PIAS1: variants seen among roughly 807,000 people sequenced by gnomAD.
PIAS1 encodes the protein protein inhibitor of activated STAT 1, also known as E3 SUMO-protein ligase PIAS1.
A neutral mutation model predicts 71.3 loss-of-function variants in PIAS1; 6 were observed. The ratio of observed to expected loss-of-function variants is 0.08; its 90% CI spans 0.05 to 0.17. PIAS1 has a LOEUF of 0.17. Among genes scored for constraint, PIAS1 ranks in the 10% least tolerant of loss-of-function variants. PIAS1 has a pLI of 1.00. For synonymous variants in PIAS1, 303 were observed against 292.9 expected (o/e 1.03, Z -0.35); for missense variants, 555 against 793.6 (o/e 0.70, Z 3.61).
At chr15:68,059,725 A>G (rs2091937386) in intron 1 of PIAS1, among the ~76,000 whole-genome samples, 1 of 151,790 alleles carries the variant, frequency 6.6e-6, no homozygotes, top group Non-Finnish European at 1.5e-5. Flanking sequence ...AAAAAAAAAA[A>G]AAAAAGAAAG....
chr15:68,054,435 G>T lies in PIAS1; in HGVS notation c.24+85G>T. ...CAGGGGGGATGGGTCCGACCCTGGG[G>T]GGCCTCTCGGGCCTGACTCCACCCG... On this transcript the variant is annotated intron_variant, in intron 1 of 13. Transcript: ENST00000249636. This position sits in a 1 kb window ranked among gnomAD's most constrained non-coding sequence, Gnocchi z 4.6. The T allele has an allele frequency of 1.4e-6, 2 of 1,381,256 alleles. No homozygotes were observed. Among genetic ancestry groups the T allele is most frequent in the Non-Finnish European group, 2.0e-6 (2 of 997,156 alleles). 85.6% of individuals were successfully genotyped at this position (1,381,256 alleles called of 1,614,324 possible). A position where few individuals can be genotyped will look rare whatever the true frequency, so the allele number is the denominator to read the frequency against.
At chr15:68,183,801 C>CATCAATTATAG in intron 13 of PIAS1, 134 bp downstream of exon 13, 1 of 537,566 alleles carries the variant, frequency 1.9e-6, no homozygotes, top group Non-Finnish European at 3.5e-6. Flanking sequence ...AAAATCCCTA[C>CATCAATTATAG]ATCAATTATA....
chr15:68,076,243 G>A (rs905603022), intron 1 of PIAS1, among the ~76,000 whole-genome samples: 4 of 152,176 alleles, frequency 2.6e-5, no homozygotes, highest in African/African-American at 7.2e-5. Flanking sequence ...GGGCGCGGTG[G>A]CTCACGAATG....
intron 2 of PIAS1, among the ~76,000 whole-genome samples, chr15:68,133,695 A>AT (rs1313448882): frequency 0.022 from 18 of 820 alleles, 9 homozygotes; most frequent in Admixed American, 0.2. Context: ...TTTATTTTTT[A>AT]TTTTTTTTTT....
intron 6 of PIAS1, among the ~76,000 whole-genome samples, chr15:68,148,951 G>T (rs2092827180): frequency 6.6e-6 from 1 of 152,024 alleles, no homozygotes; most frequent in Non-Finnish European, 1.5e-5. Context: ...GTGATGAATT[G>T]AAAGTCGAGG....
In PIAS1 at chr15:68,086,551, T is replaced by C; in HGVS notation, c.270T>C (p.Ser90=). ...VHSSPMPATL[S]PSTIPQLTYD... is the part of the protein sequence containing the mutation. ...CAAGTCCTATGCCAGCAACTTTGTCTCCATCTACCATTCCACAACTCACTT... is the reference window on the plus strand; with the variant it reads ...CAAGTCCTATGCCAGCAACTTTGTCCCCATCTACCATTCCACAACTCACTT... Residue 90 remains serine (S), a synonymous_variant, in exon 2 of 14, where the codon TCT becomes TCC. Transcript: ENST00000249636. The surrounding 1 kb of genome is among the most constrained non-coding windows in gnomAD (Gnocchi z 7.2). The C allele has an allele frequency of 6.2e-7, 1 of 1,613,906 alleles. No individual in the cohort carries two copies. Among genetic ancestry groups the C allele is most frequent in the Non-Finnish European group, 8.5e-7 (1 of 1,179,848 alleles).
chr15:68,164,238 T>A (rs879375633), intron 7 of PIAS1, among the ~76,000 whole-genome samples: 11 of 152,164 alleles, frequency 7.2e-5, no homozygotes, highest in Non-Finnish European at 1.6e-4. Flanking sequence ...TAGGACTCTT[T>A]TCATAATTTG....
rs78091121 is a variant in PIAS1, at chr15:68,174,893, G to A, written c.1170-744G>A. Among the ~76,000 whole-genome samples the A allele has an allele frequency of 6.2e-3, 937 of 152,084 alleles. 3 individuals carry two copies. Among genetic ancestry groups the A allele is most frequent in the East Asian group, 0.032 (167 of 5,184 alleles). On this transcript the variant is annotated intron_variant, in intron 9 of 13. Coordinates refer to ENST00000249636, the MANE Select transcript of PIAS1 (RefSeq NM_016166.3). This position sits in a 1 kb window ranked among gnomAD's most constrained non-coding sequence, Gnocchi z 4.0. ...TTATGTTTAATTTTTCAGAAATGTCGGTGATCACTTACTAGTAAATCAGAA... is the reference window on the plus strand; with the variant it reads ...TTATGTTTAATTTTTCAGAAATGTCAGTGATCACTTACTAGTAAATCAGAA...
At chr15:68,059,634 C>T (rs539563308) in intron 1 of PIAS1, among the ~76,000 whole-genome samples, 16 of 149,220 alleles carry the variant, frequency 1.1e-4, no homozygotes, top group African/African-American at 3.5e-4. Context: ...TCGCTTGAAC[C>T]TGGGAGGCAG....
In PIAS1 at chr15:68,054,367, A is replaced by C. The variant is rs1398739132; in HGVS notation, c.24+17A>C. 1.3e-6 allele frequency: 2 copies of C among 1,555,578 alleles called. No homozygotes were observed. The highest frequency in any genetic ancestry group is 1.7e-6 in the Non-Finnish European group (2 of 1,146,370). On this transcript the variant is annotated intron_variant, in intron 1 of 13. Transcript: ENST00000249636. The surrounding 1 kb of genome is among the most constrained non-coding windows in gnomAD (Gnocchi z 4.6). ...GAACTAAAGGTAAAGCGCAGCTCGA[A>C]TTCACTTCTAATATTCGGCCGCGGA...
chr15:68,096,437 AT>A (rs569315460), intron 2 of PIAS1, among the ~76,000 whole-genome samples: 474 of 142,542 alleles, frequency 3.3e-3, no homozygotes, highest in Admixed American at 3.9e-3. Flanking sequence ...CAACTTTAGG[AT>A]TTTTTTTTTT....
intron 7 of PIAS1, among the ~76,000 whole-genome samples, chr15:68,160,975 G>A (rs1385992302): frequency 6.6e-6 from 1 of 152,050 alleles, no homozygotes; most frequent in East Asian, 1.9e-4. Flanking sequence ...TTTTAAAAAA[G>A]AAACCAACAC....
At chr15:68,142,098 A>T in intron 3 of PIAS1, 68 bp downstream of exon 3, 1 of 1,123,766 alleles carries the variant, frequency 8.9e-7, no homozygotes, top group Non-Finnish European at 1.3e-6. Flanking sequence ...AAATGATTTT[A>T]AAAAACAGTG....
chr15:68,136,999 A>G (rs530042294), intron 2 of PIAS1, among the ~76,000 whole-genome samples: 1 of 152,346 alleles, frequency 6.6e-6, no homozygotes, highest in East Asian at 1.9e-4. Context: ...AAGAGTTACC[A>G]GGATCCATTC....
At chr15:68,155,320 G>A (rs1479047309) in intron 7 of PIAS1, among the ~76,000 whole-genome samples, 1 of 151,938 alleles carries the variant, frequency 6.6e-6, no homozygotes, top group Non-Finnish European at 1.5e-5. Context: ...AGATTTTTGT[G>A]GAAATTGATA....
Position 68,167,191 on chromosome 15 carries a change from T to TTGTG in PIAS1, c.1008+2407_1008+2410dup, listed in dbSNP as rs71725124. Among the ~76,000 whole-genome samples the TTGTG allele has an allele frequency of 4.8e-3, 725 of 149,560 alleles. 4 individuals are homozygous for TTGTG. The highest frequency in any genetic ancestry group is 0.015 in the East Asian group (77 of 5,106). ...AAAACAAAACAACTATATATGTATA[T>TTGTG]TGTGTGTGTGTGTGTGTGTGTGTAT... is the stretch of plus-strand genomic sequence containing the variant. On this transcript the variant is annotated intron_variant, in intron 8 of 13. Coordinates refer to ENST00000249636, the MANE Select transcript of PIAS1 (RefSeq NM_016166.3). This position sits in a 1 kb window ranked among gnomAD's most constrained non-coding sequence, Gnocchi z 4.4.
At chr15:68,150,203 G>T (rs2141057951) in intron 6 of PIAS1, among the ~76,000 whole-genome samples, 1 of 151,782 alleles carries the variant, frequency 6.6e-6, no homozygotes, top group East Asian at 1.9e-4. Context: ...TTTTGTTTTT[G>T]TGTATGAAAA....
chr15:68,172,509 G>A (rs954774505), intron 8 of PIAS1, among the ~76,000 whole-genome samples: 2 of 152,152 alleles, frequency 1.3e-5, no homozygotes, highest in African/African-American at 4.8e-5. Flanking sequence ...GTTCCACAAT[G>A]GTGAACTAGT....
intron 2 of PIAS1, among the ~76,000 whole-genome samples, chr15:68,124,718 TCAAACAAA>T (rs148167122): frequency 5.3e-5 from 8 of 151,710 alleles, no homozygotes; most frequent in South Asian, 4.2e-4. Context: ...AGACTCTGGC[TCAAACAAA>T]CAAACAAACA....
Sources: gnomAD v4.1 joint callset for allele counts (sites outside exome capture counted in the v4.1 genomes callset) on GRCh38, gnomAD v4.1.1 for gene constraint, Gnocchi (gnomAD v3.1) non-coding constraint, MANE v1.5 for transcripts, NCBI Gene and HGNC (gene_info 2026-07-23, HGNC 2026-07-21) for gene names.